CTH: variants seen among roughly 807,000 people sequenced by gnomAD.
CTH encodes the protein cystathionase (cystathionine gamma-lyase).
A neutral mutation model predicts 50.6 loss-of-function variants in CTH; 41 were observed. The observed-to-expected ratio is 0.81, with a 90% CI of 0.63 to 1.05. CTH has a LOEUF of 1.05. Ranked by LOEUF, CTH falls within the 50% of genes least tolerant of loss-of-function variation. The pLI is 0.00. For missense variants in CTH, 470 were observed against 492.6 expected, an observed-to-expected ratio of 0.95 and a Z score of 0.43; for synonymous variants, 156 against 168.9, an observed-to-expected ratio of 0.92 and a Z score of 0.59.
intron 7 of CTH, chr1:70,431,265 T>G (rs998851010): frequency 2.6e-5 from 4 of 152,218 alleles, no homozygotes; most frequent in African/African-American, 4.8e-5. Flanking sequence ...ATGTCCATCT[T>G]AATTATAATC....
At chr1:70,413,313 G>T (rs1314425271) in intron 1 of CTH, among the ~76,000 whole-genome samples, 1 of 150,652 alleles carries the variant, frequency 6.6e-6, no homozygotes, top group African/African-American at 2.5e-5. Context: ...ACCCAGGCTG[G>T]AGTGCAGTGG....
chr1:70,431,472 T>G lies in CTH; in HGVS notation c.725-611T>G, dbSNP rs1572268174. On this transcript the variant is annotated intron_variant, in intron 7 of 11. Coordinates refer to ENST00000370938, the MANE Select transcript of CTH (RefSeq NM_001902.6). ...TCTAAACACCATTTCCTATTTACAT[T>G]GCTTAGTTTATCTCCAGTATAGTTA... Among the ~76,000 whole-genome samples the G allele has an allele frequency of 2.0e-5, 3 of 152,344 alleles. No individual in the cohort carries two copies. The East Asian group carries it at 5.8e-4, about 29-fold the overall frequency.
intron 1 of CTH, among the ~76,000 whole-genome samples, chr1:70,413,769 T>C (rs1572249715): frequency 7.6e-6 from 1 of 131,532 alleles, no homozygotes; most frequent in African/African-American, 3.0e-5. Context: ...TGAGACAGAG[T>C]CTTGCTCTCT....
At chr1:70,426,740 T>G (rs927439722) in intron 5 of CTH, among the ~76,000 whole-genome samples, 4 of 152,220 alleles carry the variant, frequency 2.6e-5, no homozygotes, top group Non-Finnish European at 5.9e-5. Flanking sequence ...TGGCATCTTC[T>G]ATTTGTCCCA....
At chr1:70,427,735 T>A (rs1473036164) in intron 5 of CTH, among the ~76,000 whole-genome samples, 3 of 152,186 alleles carry the variant, frequency 2.0e-5, no homozygotes, top group Non-Finnish European at 4.4e-5. Flanking sequence ...TGTTTTGAAA[T>A]GGAGTCTTGC....
chr1:70,424,997 G>C (rs965109706), intron 5 of CTH, among the ~76,000 whole-genome samples: 29 of 151,884 alleles, frequency 1.9e-4, no homozygotes, highest in Middle Eastern at 6.8e-3. Flanking sequence ...TTATGTGATT[G>C]TATCTGCTAA....
At position 70,416,050 on chromosome 1, in the gene CTH, C is replaced by A. The variant is rs750342979; in HGVS notation, c.250+13C>A. 4 of 1,394,960 alleles carry A rather than the reference C, an allele frequency of 2.9e-6. No homozygotes were observed. In the East Asian group the frequency reaches 9.1e-5, roughly 32 times the overall value. 86.4% of individuals were successfully genotyped at this position (1,394,960 alleles called of 1,614,324 possible). On this transcript the variant is annotated intron_variant, in intron 2 of 11. Transcript: ENST00000370938. Reference sequence around the variant, plus strand: ...GGGGCTAAGTACTGTAAGTAATTTCCATTTCACAGTCTAGAATCTATTTTT... The same window carrying A: ...GGGGCTAAGTACTGTAAGTAATTTCAATTTCACAGTCTAGAATCTATTTTT...
intron 1 of CTH, among the ~76,000 whole-genome samples, chr1:70,412,330 G>C (rs1057262022): frequency 1.3e-5 from 2 of 152,234 alleles, no homozygotes; most frequent in Non-Finnish European, 2.9e-5. Flanking sequence ...TCATGACCGG[G>C]TGCAGTGGCT....
In CTH at chr1:70,416,038, G is replaced by A. The variant is rs1684084730; in HGVS notation, c.250+1G>A. 3.3e-6 allele frequency: 5 copies of A among 1,508,908 alleles called. No homozygotes were observed. Among genetic ancestry groups the A allele is most frequent in the South Asian group, 1.1e-5 (1 of 88,924 alleles). 93.5% of individuals were successfully genotyped at this position (1,508,908 alleles called of 1,614,324 possible). ...GCAGCACTGGATGGGGCTAAGTACT[G>A]TAAGTAATTTCCATTTCACAGTCTA... On this transcript the variant is annotated splice_donor_variant, in intron 2 of 11. Transcript: ENST00000370938. LOFTEE classifies it high-confidence loss of function.
intron 10 of CTH, among the ~76,000 whole-genome samples, chr1:70,437,860 A>G (rs1322705240): frequency 6.6e-6 from 1 of 152,138 alleles, no homozygotes; most frequent in Non-Finnish European, 1.5e-5. Context: ...ACTGGGGTTA[A>G]GTAAGATGCT....
chr1:70,419,700 TA>T (rs5775006), intron 3 of CTH, among the ~76,000 whole-genome samples: 32,825 of 152,078 alleles, frequency 0.22, 4,059 homozygotes, highest in Admixed American at 0.32. Context: ...TAAAGTATAA[TA>T]AAAAAAATTT....
Position 70,417,975 on chromosome 1 carries a change from AT to A in CTH, c.291del (p.Thr98ProfsTer4), listed in dbSNP as rs1684130059. 2 of 1,614,086 alleles carry A rather than the reference AT, an allele frequency of 1.2e-6. No individual in the cohort carries two copies. The highest frequency in any genetic ancestry group is 1.7e-6 in the Non-Finnish European group (2 of 1,180,006). ...TTCAGGTTTAGCAGCCACTGTAACTATTACCCATCTTTTAAAAGCAGGAGAC... is the reference window on the plus strand; with the variant it reads ...TTCAGGTTTAGCAGCCACTGTAACTATACCCATCTTTTAAAAGCAGGAGAC... ...FASGLAATVT[I>X]THLLKAGDQI... On this transcript the variant is annotated frameshift_variant, in exon 3 of 12. Coordinates refer to ENST00000370938, the MANE Select transcript of CTH (RefSeq NM_001902.6). LOFTEE classifies it high-confidence loss of function.
At chr1:70,433,057 T>G (rs1156721361) in intron 8 of CTH, among the ~76,000 whole-genome samples, 1 of 152,190 alleles carries the variant, frequency 6.6e-6, no homozygotes, top group Non-Finnish European at 1.5e-5. Context: ...GAAAGTCTTC[T>G]GTGGAGTTGG....
intron 10 of CTH, 130 bp downstream of exon 10, chr1:70,435,307 T>A: frequency 1.1e-6 from 1 of 878,976 alleles, no homozygotes; most frequent in Non-Finnish European, 1.8e-6. Context: ...TTAATCAGAA[T>A]GGACTCTAAC....
intron 1 of CTH, among the ~76,000 whole-genome samples, chr1:70,413,259 CTT>C (rs11295998): frequency 2.2e-4 from 31 of 139,124 alleles, no homozygotes; most frequent in Admixed American, 2.9e-4. Flanking sequence ...TTCTTTCTTT[CTT>C]TTTTTTTTTT....
intron 1 of CTH, 38 bp from the exon 2 acceptor site, chr1:70,415,918 G>C (rs1684081279): frequency 6.2e-6 from 7 of 1,128,508 alleles, no homozygotes; most frequent in Non-Finnish European, 9.5e-6. Context: ...ATAATAAACT[G>C]AAATCTCTTA....
chr1:70,416,572 T>G (rs1684096125), intron 2 of CTH, among the ~76,000 whole-genome samples: 1 of 148,900 alleles, frequency 6.7e-6, no homozygotes, highest in African/African-American at 2.5e-5. Context: ...TTTTTTTTTT[T>G]TTTTTTTTGA....
In CTH at chr1:70,411,414, G is replaced by T. The variant is rs2101721833; in HGVS notation, c.-2G>T. ...TCCTCTCTTCTTCTTTCGCGGTTCAGCATGCAGGAAAAAGACGCCTCCTCA... is the reference window on the plus strand; with the variant it reads ...TCCTCTCTTCTTCTTTCGCGGTTCATCATGCAGGAAAAAGACGCCTCCTCA... On this transcript the variant is annotated 5_prime_UTR_variant, in exon 1 of 12. Transcript: ENST00000370938. 6.2e-7 allele frequency: 1 copy of T among 1,614,050 alleles called. No individual in the cohort carries two copies. Among genetic ancestry groups the T allele is most frequent in the Non-Finnish European group, 8.5e-7 (1 of 1,179,906 alleles).
chr1:70,420,636 C>T (rs1013638172), intron 3 of CTH, among the ~76,000 whole-genome samples: 1 of 152,058 alleles, frequency 6.6e-6, no homozygotes, highest in Non-Finnish European at 1.5e-5. Context: ...GTTGGGGACC[C>T]CTGCTTTAAA....
Sources: allele counts gnomAD v4.1 joint callset (sites outside exome capture counted in the v4.1 genomes callset), GRCh38; gene constraint gnomAD v4.1.1; transcripts MANE v1.5; gene names NCBI Gene and HGNC (gene_info 2026-07-23, HGNC 2026-07-21).